IPP: variants seen among roughly 807,000 people sequenced by gnomAD.
IPP encodes actin-binding protein IPP.
A neutral mutation model predicts 64.1 loss-of-function variants in IPP; 41 were observed. That is an observed-to-expected ratio of 0.64 (90% CI 0.50 to 0.83). The LOEUF is 0.83. Ranked by LOEUF, IPP falls within the 40% of genes least tolerant of loss-of-function variation. The pLI is 0.00. For synonymous variants in IPP, 214 were observed against 235.2 expected, an observed-to-expected ratio of 0.91 and a Z score of 0.83; for missense variants, 649 against 703.0, an observed-to-expected ratio of 0.92 and a Z score of 0.87.
At chr1:45,723,507 A>G (rs549546837) in intron 5 of IPP, among the ~76,000 whole-genome samples, 1 of 152,346 alleles carries the variant, frequency 6.6e-6, no homozygotes, top group African/African-American at 2.4e-5. Flanking sequence ...GAAGAGTTCA[A>G]GTGATAAAAC....
chr1:45,724,629 C>T (rs1256962216), intron 5 of IPP, among the ~76,000 whole-genome samples: 1 of 150,606 alleles, frequency 6.6e-6, no homozygotes, highest in Admixed American at 6.6e-5. Flanking sequence ...CTCTGCCCCG[C>T]CGCCCTGTCT....
downstream of IPP, among the ~76,000 whole-genome samples, chr1:45,695,755 C>T (rs370421041): frequency 1.7e-4 from 26 of 152,052 alleles, no homozygotes; most frequent in East Asian, 2.9e-3. Flanking sequence ...CCGCAACCTC[C>T]GCCTCCCGTG....
At chr1:45,742,156 G>C (rs1557761326) in intron 2 of IPP, among the ~76,000 whole-genome samples, 1 of 152,122 alleles carries the variant, frequency 6.6e-6, no homozygotes, top group African/African-American at 2.4e-5. Flanking sequence ...TCATAAATGG[G>C]AGCTAAACAT....
intron 3 of IPP, among the ~76,000 whole-genome samples, chr1:45,730,981 G>A (rs1557754219): frequency 6.6e-6 from 1 of 152,234 alleles, no homozygotes; most frequent in Non-Finnish European, 1.5e-5. Flanking sequence ...CACTGTGCTA[G>A]CCAAAGTCCA....
chr1:45,729,772 A>G lies in IPP; in HGVS notation c.725-3T>C, dbSNP rs774248433. On this transcript the variant is annotated splice_region_variant and splice_polypyrimidine_tract_variant and intron_variant, in intron 3 of 8. Coordinates refer to ENST00000396478, the MANE Select transcript of IPP (RefSeq NM_005897.3). ...ACGAAGATTAAAATCGGATACTCCTAAAACAATATTTAAAAAGACAATGTT... is the reference window on the plus strand; with the variant it reads ...ACGAAGATTAAAATCGGATACTCCTGAAACAATATTTAAAAAGACAATGTT... 1 of 1,512,996 alleles carries G rather than the reference A, an allele frequency of 6.6e-7. No homozygotes were observed. Among genetic ancestry groups the G allele is most frequent in the Non-Finnish European group, 8.9e-7 (1 of 1,119,446 alleles). The allele number at this position is 1,512,996 out of a possible 1,614,324, so 93.7% of individuals were successfully genotyped here. A position where few individuals can be genotyped will look rare whatever the true frequency, so the allele number is the denominator to read the frequency against.
intron 5 of IPP, among the ~76,000 whole-genome samples, chr1:45,724,193 G>A (rs1213151897): frequency 6.6e-6 from 1 of 152,106 alleles, no homozygotes; most frequent in Non-Finnish European, 1.5e-5. Context: ...TGTGTTGGCC[G>A]GGCTGGTCTC....
At chr1:45,716,025 T>C (rs1406765916) in intron 7 of IPP, among the ~76,000 whole-genome samples, 1 of 152,100 alleles carries the variant, frequency 6.6e-6, no homozygotes, top group Admixed American at 6.6e-5. Flanking sequence ...TGCATAAAAA[T>C]CAGCTCTCCA....
At position 45,738,839 on chromosome 1, in the gene IPP, CAAAAAAAAAAAAAA is replaced by C. The variant is rs752168393; in HGVS notation, c.724+2048_724+2061del. 1.2e-3 allele frequency among the ~76,000 whole-genome samples: 9 copies of C among 7,688 alleles called. No homozygotes were observed. The South Asian group carries it at 0.034, about 29-fold the overall frequency. The allele number at this position is 7,688 out of a possible 152,430, so 5.0% of individuals were successfully genotyped here. A position where few individuals can be genotyped will look rare whatever the true frequency, so the allele number is the denominator to read the frequency against. ...TGGGTGACAGAGCAAGACTCCATCTCAAAAAAAAAAAAAAAAAAAAAAAAAACAAGAAAAAAATC... is the reference window on the plus strand; with the variant it reads ...TGGGTGACAGAGCAAGACTCCATCTCAAAAAAAAAAAACAAGAAAAAAATC... On this transcript the variant is annotated intron_variant, in intron 3 of 8. Transcript: ENST00000396478.
At chr1:45,716,857 A>C (rs1645665751) in intron 7 of IPP, 38 bp downstream of exon 7, 6 of 1,581,568 alleles carry the variant, frequency 3.8e-6, no homozygotes, top group Non-Finnish European at 5.2e-6. Flanking sequence ...GTTTTTCAGA[A>C]CTACATTTTG....
At chr1:45,740,339 A>G (rs1241152131) in intron 3 of IPP, among the ~76,000 whole-genome samples, 1 of 152,018 alleles carries the variant, frequency 6.6e-6, no homozygotes, top group Non-Finnish European at 1.5e-5. Flanking sequence ...GCTGTTGGGT[A>G]CACCTCCCAG....
chr1:45,741,088 C>T lies in IPP; in HGVS notation c.537G>A (p.Thr179=), dbSNP rs139096473. 5.8e-5 allele frequency: 93 copies of T among 1,614,084 alleles called. No individual in the cohort carries two copies. The highest frequency in any genetic ancestry group is 7.5e-5 in the Non-Finnish European group (89 of 1,179,982). The part of the protein sequence containing the change: ...VHSGEEFLAL[T]KDQLIKILRS... ...GCAAAATTTTGATCAGCTGATCTTT[C>T]GTAAGTGCCAGGAACTCTTCTCCAC... Residue 179 remains threonine (T), a synonymous_variant, in exon 3 of 9, where the codon ACG becomes ACA. Transcript: ENST00000396478.
chr1:45,704,291 G>A (rs1052751890), intron 8 of IPP, among the ~76,000 whole-genome samples: 7 of 151,238 alleles, frequency 4.6e-5, no homozygotes, highest in Non-Finnish European at 1.0e-4. Flanking sequence ...AGGCTGGAGT[G>A]CAGTGGCGTG....
At chr1:45,698,450 ATG>A (rs1645406688), downstream of IPP, among the ~76,000 whole-genome samples, 1 of 152,118 alleles carries the variant, frequency 6.6e-6, no homozygotes, top group South Asian at 2.1e-4. Flanking sequence ...CAGGGAGAAA[ATG>A]AGAAGTTTTG....
chr1:45,708,514 A>C (rs1466053766), intron 8 of IPP, among the ~76,000 whole-genome samples: 3 of 149,064 alleles, frequency 2.0e-5, no homozygotes, highest in African/African-American at 7.4e-5. Flanking sequence ...CCCCGTCTTT[A>C]GGAATAACAC....
chr1:45,713,582 TGA>T (rs1645619857), intron 8 of IPP, among the ~76,000 whole-genome samples: 1 of 151,972 alleles, frequency 6.6e-6, no homozygotes, highest in African/African-American at 2.4e-5. Context: ...ATTACTCTTT[TGA>T]GAGAGGGTCT....
chr1:45,700,500 CCTAG>C (rs1645438540), intron 8 of IPP, among the ~76,000 whole-genome samples: 1 of 152,016 alleles, frequency 6.6e-6, no homozygotes, highest in Non-Finnish European at 1.5e-5. Context: ...CACCACCACA[CCTAG>C]CTAATTTTTC....
At chr1:45,750,050 CA>C (rs886127576) in intron 1 of IPP, among the ~76,000 whole-genome samples, 15 of 145,020 alleles carry the variant, frequency 1.0e-4, no homozygotes, top group East Asian at 2.0e-4. Context: ...GAGACTGTCT[CA>C]AAAAAAAAAG....
Position 45,710,943 on chromosome 1 carries a change from C to T in IPP, c.1530+3303G>A, listed in dbSNP as rs1184193816. ...CTAAGACAGGAGAATTGCTTGAACC[C>T]GGGAGGCGGAGGTTGCAGTGAGCTG... On this transcript the variant is annotated intron_variant, in intron 8 of 8. Coordinates refer to ENST00000396478, the MANE Select transcript of IPP (RefSeq NM_005897.3). 1.8e-4 allele frequency among the ~76,000 whole-genome samples: 9 copies of T among 51,142 alleles called. 4 individuals carry two copies. Among genetic ancestry groups the T allele is most frequent in the Non-Finnish European group, 2.7e-4 (7 of 26,102 alleles). The allele number at this position is 51,142 out of a possible 152,430, so 33.6% of individuals were successfully genotyped here. A position where few individuals can be genotyped will look rare whatever the true frequency, so the allele number is the denominator to read the frequency against.
intron 3 of IPP, among the ~76,000 whole-genome samples, chr1:45,736,053 G>A (rs959117104): frequency 6.6e-6 from 1 of 151,248 alleles, no homozygotes; most frequent in Non-Finnish European, 1.5e-5. Context: ...GGAGGTTGCA[G>A]TGAGCCGAAA....
Sources: allele counts gnomAD v4.1 joint callset (sites outside exome capture counted in the v4.1 genomes callset), GRCh38; gene constraint gnomAD v4.1.1; transcripts MANE v1.5; gene names NCBI Gene and HGNC (gene_info 2026-07-23, HGNC 2026-07-21).